Variants in PCDHGA8 observed in about 807,000 individuals in gnomAD.
The protein encoded by PCDHGA8 is protocadherin gamma-A8.
In PCDHGA8, 45 loss-of-function variants were observed where a neutral mutation model predicts 59.2. That is an observed-to-expected ratio of 0.76 (90% CI 0.60 to 0.98). PCDHGA8 has a LOEUF of 0.98. PCDHGA8 is among the 50% of genes least tolerant of loss of function. The pLI, the probability that PCDHGA8 is intolerant of heterozygous loss-of-function variation, is 0.00. For missense variants in PCDHGA8, 1,257 were observed against 1,196.2 expected, an observed-to-expected ratio of 1.05 and a Z score of -0.75; for synonymous variants, 531 against 519.0, an observed-to-expected ratio of 1.02 and a Z score of -0.32.
At chr5:141,479,866 A>G (rs1020197891) in intron 1 of PCDHGA8, among the ~76,000 whole-genome samples, 2 of 152,204 alleles carry the variant, frequency 1.3e-5, no homozygotes, top group African/African-American at 2.4e-5. Context: ...TTTGCCCTGG[A>G]GAGAACCCTA....
chr5:141,497,829 C>T (rs754594104), intron 2 of PCDHGA8, among the ~76,000 whole-genome samples: 147 of 152,160 alleles, frequency 9.7e-4, no homozygotes, highest in Non-Finnish European at 1.8e-3. Flanking sequence ...TGTGATCGCC[C>T]CCGGCCACAA....
chr5:141,490,157 G>A lies in PCDHGA8; in HGVS notation c.2425-4650G>A. 6.2e-7 allele frequency: 1 copy of A among 1,614,210 alleles called. No homozygotes were observed. On this transcript the variant is annotated intron_variant, in intron 1 of 3. Transcript: ENST00000398604. The surrounding 1 kb of genome is among the most constrained non-coding windows in gnomAD (Gnocchi z 5.4). ...AGCAGTGGGGCAATCCATGTGTTGG[G>A]TCCCATAGACTTTGAGGAGTCACGT...
Position 141,431,046 on chromosome 5 carries a change from G to A in PCDHGA8, c.2424+35809G>A, listed in dbSNP as rs1324139757. 7 of 1,614,240 alleles carry A rather than the reference G, an allele frequency of 4.3e-6. 1 individual carries two copies. The Admixed American group carries it at 1.0e-4, about 23-fold the overall frequency. ...GGCAGGATAGACCGGGAGGAGCTCTGTATGGGGGCCATCAAGTGTCAATTA... is the reference window on the plus strand; with the variant it reads ...GGCAGGATAGACCGGGAGGAGCTCTATATGGGGGCCATCAAGTGTCAATTA... On this transcript the variant is annotated intron_variant, in intron 1 of 3. Transcript: ENST00000398604. The surrounding 1 kb of genome is among the most constrained non-coding windows in gnomAD (Gnocchi z 4.8).
intron 2 of PCDHGA8, among the ~76,000 whole-genome samples, chr5:141,496,104 G>A (rs950960102): frequency 6.8e-6 from 1 of 146,980 alleles, no homozygotes; most frequent in African/African-American, 2.5e-5. Context: ...CCAACACCCC[G>A]CTCTCTTCCT....
intron 1 of PCDHGA8, chr5:141,410,640 G>T: frequency 1.3e-6 from 2 of 1,599,058 alleles, no homozygotes; most frequent in Non-Finnish European, 1.7e-6. Flanking sequence ...TCTTTTTTGT[G>T]TGTGATTTAT....
At chr5:141,455,583 A>G (rs1485134189) in intron 1 of PCDHGA8, among the ~76,000 whole-genome samples, 4 of 152,144 alleles carry the variant, frequency 2.6e-5, no homozygotes, top group Non-Finnish European at 2.9e-5. Context: ...CCAGCCTTTT[A>G]ATATGCAAAC....
Position 141,491,680 on chromosome 5 carries a change from A to G in PCDHGA8, c.2425-3127A>G. The G allele has an allele frequency of 6.2e-7, 1 of 1,613,304 alleles. No individual in the cohort carries two copies. The highest frequency in any genetic ancestry group is 2.2e-5 in the East Asian group (1 of 44,820). ...TGACGCCATCCGGTCCCGCTCTAATACGCTGCGGGAGCGGAGCCAGGTGAG... is the reference window on the plus strand; with the variant it reads ...TGACGCCATCCGGTCCCGCTCTAATGCGCTGCGGGAGCGGAGCCAGGTGAG... On this transcript the variant is annotated intron_variant, in intron 1 of 3. Transcript: ENST00000398604. The surrounding 1 kb of genome is among the most constrained non-coding windows in gnomAD (Gnocchi z 6.9).
Position 141,485,261 on chromosome 5 carries a change from C to G in PCDHGA8, c.2425-9546C>G, listed in dbSNP as rs759268725. 1 of 1,614,076 alleles carries G rather than the reference C, an allele frequency of 6.2e-7. No homozygotes were observed. The highest frequency in any genetic ancestry group is 8.5e-7 in the Non-Finnish European group (1 of 1,179,904). On this transcript the variant is annotated intron_variant, in intron 1 of 3. Transcript: ENST00000398604. This position sits in a 1 kb window ranked among gnomAD's most constrained non-coding sequence, Gnocchi z 5.7. The stretch of plus-strand genomic sequence containing the variant: ...TTACCACCTGGGTTACGTTTGTGGG[C>G]AGATCCGCTACCCGGTCCCAGAGGA...
At chr5:141,506,351 A>G (rs1029519620) in intron 3 of PCDHGA8, among the ~76,000 whole-genome samples, 2 of 150,784 alleles carry the variant, frequency 1.3e-5, no homozygotes, top group African/African-American at 4.9e-5. Context: ...TGGGAGGCTG[A>G]GGCAGGAGAA....
At position 141,491,413 on chromosome 5, in the gene PCDHGA8, G is replaced by A. The variant is rs1193417991; in HGVS notation, c.2425-3394G>A. 5.6e-6 allele frequency: 9 copies of A among 1,613,946 alleles called. No individual in the cohort carries two copies. Among genetic ancestry groups the A allele is most frequent in the Non-Finnish European group, 7.6e-6 (9 of 1,179,986 alleles). On this transcript the variant is annotated intron_variant, in intron 1 of 3. Transcript: ENST00000398604. The surrounding 1 kb of genome is among the most constrained non-coding windows in gnomAD (Gnocchi z 6.9). Reference sequence around the variant, plus strand: ...CCTTCAGGGAAACGCAGACGGGGACGGGGGTGGAGGGCAGTGCTGCAGGCG... The same window carrying A: ...CCTTCAGGGAAACGCAGACGGGGACAGGGGTGGAGGGCAGTGCTGCAGGCG...
At chr5:141,509,411 AGCC>A (rs2099876675) in intron 3 of PCDHGA8, among the ~76,000 whole-genome samples, 2 of 152,098 alleles carry the variant, frequency 1.3e-5, no homozygotes, top group Admixed American at 1.3e-4. Flanking sequence ...TCCAGCAGCG[AGCC>A]CCAATGAGTC....
chr5:141,418,822 A>C (rs780172404), intron 1 of PCDHGA8: 9 of 1,613,988 alleles, frequency 5.6e-6, no homozygotes, highest in Non-Finnish European at 7.6e-6. Flanking sequence ...ACATAGAAGC[A>C]AAAGACCGAG....
chr5:141,403,073 A>G (rs920382925), intron 1 of PCDHGA8: 4 of 1,614,056 alleles, frequency 2.5e-6, no homozygotes, highest in Non-Finnish European at 3.4e-6. Context: ...AGAGACAGAA[A>G]AGGGCTATAT....
intron 1 of PCDHGA8, chr5:141,428,181 AG>A (rs776102500): frequency 6.7e-7 from 1 of 1,486,230 alleles, no homozygotes; most frequent in Admixed American, 1.8e-5. Context: ...GACGGAGGAC[AG>A]CCGCCGCTCT....
In PCDHGA8 at chr5:141,393,720, A is replaced by G. The variant is rs371093729; in HGVS notation, c.907A>G (p.Ile303Val). Residue 303 changes from isoleucine (I) to valine (V), a missense_variant, in exon 1 of 4, where the codon ATA (isoleucine) becomes GTA (valine). Ile to Val is a conservative substitution (Grantham distance 29). Transcript: ENST00000398604. ...QLNENTGEIS[I>V]AKSLDYEECS... ...TAATGAAAATACTGGGGAAATATCA[A>G]TAGCAAAAAGTCTAGATTATGAAGA... is the stretch of plus-strand genomic sequence containing the variant. The G allele has an allele frequency of 1.2e-6, 2 of 1,613,770 alleles. No individual in the cohort carries two copies. The highest frequency in any genetic ancestry group is 1.3e-5 in the African/African-American group (1 of 74,934).
intron 1 of PCDHGA8, among the ~76,000 whole-genome samples, chr5:141,444,012 G>T (rs1355186604): frequency 1.3e-5 from 2 of 152,058 alleles, no homozygotes; most frequent in African/African-American, 4.8e-5. Flanking sequence ...CTGGGTATTG[G>T]CTTCTAAAAG....
intron 1 of PCDHGA8, among the ~76,000 whole-genome samples, chr5:141,443,832 A>G (rs2098407108): frequency 6.6e-6 from 1 of 152,224 alleles, no homozygotes; most frequent in African/African-American, 2.4e-5. Context: ...ATTAGGTAAA[A>G]TGGGTAATAT....
intron 1 of PCDHGA8, chr5:141,408,447 G>A (rs536531313): frequency 3.1e-6 from 5 of 1,614,064 alleles, no homozygotes; most frequent in Admixed American, 1.7e-5. Context: ...GCGGAGAGCG[G>A]GGACTTACTT....
At chr5:141,467,050 G>T (rs6580189) in intron 1 of PCDHGA8, among the ~76,000 whole-genome samples, 42,616 of 146,752 alleles carry the variant, frequency 0.29, 6,868 homozygotes, top group African/African-American at 0.45. Flanking sequence ...ATGAATCAAT[G>T]TTTTCTTTTT....
Sources: allele counts gnomAD v4.1 joint callset (sites outside exome capture counted in the v4.1 genomes callset), GRCh38; gene constraint gnomAD v4.1.1; non-coding constraint Gnocchi (gnomAD v3.1); transcripts MANE v1.5; gene names NCBI Gene and HGNC (gene_info 2026-07-23, HGNC 2026-07-21).